TSPEAR: variants seen among roughly 807,000 people sequenced by gnomAD.
The protein encoded by TSPEAR is thrombospondin-type laminin G domain and EAR repeat-containing protein.
Under a neutral mutation model 71.6 loss-of-function variants are expected in TSPEAR, and 69 were observed. That is an observed-to-expected ratio of 0.96 (90% CI 0.79 to 1.18). TSPEAR has a LOEUF of 1.18. TSPEAR is among the 50% of genes most tolerant of loss of function. The pLI, the probability that TSPEAR is intolerant of heterozygous loss-of-function variation, is 0.00. For synonymous variants in TSPEAR, 402 were observed against 387.2 expected (o/e 1.04, Z -0.45); for missense variants, 971 against 894.9 (o/e 1.09, Z -1.09).
At chr21:44,541,795 A>G (rs1234052793) in intron 2 of TSPEAR, among the ~76,000 whole-genome samples, 3 of 152,248 alleles carry the variant, frequency 2.0e-5, no homozygotes, top group Admixed American at 1.3e-4. Flanking sequence ...CCTATCTTTA[A>G]ATAAACTCGC....
intron 2 of TSPEAR, among the ~76,000 whole-genome samples, chr21:44,549,414 C>T (rs1230106085): frequency 3.9e-5 from 6 of 152,214 alleles, no homozygotes; most frequent in Non-Finnish European, 5.9e-5. Context: ...GGCCATCCAC[C>T]TGGCGTTGCA....
At chr21:44,702,889 G>A (rs1023611403) in intron 1 of TSPEAR, 38 of 670,854 alleles carry the variant, frequency 5.7e-5, no homozygotes, top group African/African-American at 4.7e-4. Context: ...AGTACACACC[G>A]CACTGGTACA....
chr21:44,556,995 T>A (rs1472157708), intron 2 of TSPEAR, among the ~76,000 whole-genome samples: 1 of 152,118 alleles, frequency 6.6e-6, no homozygotes, highest in Non-Finnish European at 1.5e-5. Flanking sequence ...AGTGAACTGG[T>A]GAGATAGCAT....
intron 1 of TSPEAR, among the ~76,000 whole-genome samples, chr21:44,597,426 TTC>T (rs200697865): frequency 6.9e-6 from 1 of 144,274 alleles, no homozygotes; most frequent in Non-Finnish European, 1.5e-5. Flanking sequence ...TTCTTTTTCT[TTC>T]TTTCTTTTCT....
At chr21:44,540,481 C>T (rs587735987) in intron 2 of TSPEAR, among the ~76,000 whole-genome samples, 45 of 152,252 alleles carry the variant, frequency 3.0e-4, no homozygotes, top group African/African-American at 8.2e-4. Context: ...CAGTGCAGTC[C>T]GGGTTGTAAG....
chr21:44,707,237 C>G (rs1555952568), intron 1 of TSPEAR, among the ~76,000 whole-genome samples: 1 of 152,146 alleles, frequency 6.6e-6, no homozygotes, highest in African/African-American at 2.4e-5. Flanking sequence ...TGCCGCTCCA[C>G]CCCTGCCCCC....
chr21:44,701,724 G>C (rs1467068205), intron 1 of TSPEAR, among the ~76,000 whole-genome samples: 2 of 84,912 alleles, frequency 2.4e-5, no homozygotes, highest in Non-Finnish European at 6.1e-5. Flanking sequence ...GGGTGGTAAA[G>C]CTCACTCACC....
intron 1 of TSPEAR, chr21:44,666,223 G>T (rs1985749746): frequency 1.3e-5 from 7 of 540,222 alleles, no homozygotes; most frequent in Non-Finnish European, 1.9e-5. Flanking sequence ...GGCTCTCATG[G>T]GGTCAGAGAA....
chr21:44,562,423 T>C (rs1555921208), intron 2 of TSPEAR, among the ~76,000 whole-genome samples: 2 of 152,202 alleles, frequency 1.3e-5, no homozygotes, highest in Admixed American at 1.3e-4. Flanking sequence ...AATTTATAGA[T>C]TCAATGCTAT....
chr21:44,687,354 T>C lies in TSPEAR; in HGVS notation c.82+24079A>G, dbSNP rs1294183024. Among the ~76,000 whole-genome samples, 2 of 152,096 alleles carry C rather than the reference T, an allele frequency of 1.3e-5. No homozygotes were observed. Among genetic ancestry groups the C allele is most frequent in the African/African-American group, 4.8e-5 (2 of 41,402 alleles). The stretch of plus-strand genomic sequence containing the variant: ...AAAGGCAGGCACACTTGTCCCACTG[T>C]ATCATAACAGAAAAAACCGGAACGG... On this transcript the variant is annotated intron_variant, in intron 1 of 11. Coordinates refer to ENST00000323084, the MANE Select transcript of TSPEAR (RefSeq NM_144991.3). The surrounding 1 kb of genome is among the most constrained non-coding windows in gnomAD (Gnocchi z 4.4).
chr21:44,648,297 A>G (rs1376228659), intron 1 of TSPEAR, among the ~76,000 whole-genome samples: 2 of 152,212 alleles, frequency 1.3e-5, no homozygotes, highest in African/African-American at 2.4e-5. Flanking sequence ...TGAAGAGGGC[A>G]CTAGTGAGAC....
In TSPEAR at chr21:44,592,542, G is replaced by C. The variant is rs370234368; in HGVS notation, c.83-24537C>G. The C allele has an allele frequency of 1.7e-5, 26 of 1,554,004 alleles. No homozygotes were observed. The African/African-American group carries it at 3.0e-4, about 18-fold the overall frequency. On this transcript the variant is annotated intron_variant, in intron 1 of 11. Transcript: ENST00000323084. ...GAGCCTGTGAGGTGCTGAGGCTCTC[G>C]GGCTTTTATTCCACCTGGCCTTGTT...
intron 5 of TSPEAR, among the ~76,000 whole-genome samples, 185 bp downstream of exon 5, chr21:44,529,613 C>T (rs375412191): frequency 3.3e-5 from 5 of 152,204 alleles, no homozygotes; most frequent in East Asian, 1.9e-4. Flanking sequence ...GATGGTGCCG[C>T]CTGCCTTCCT....
chr21:44,654,438 G>C, intron 1 of TSPEAR: 1 of 1,614,118 alleles, frequency 6.2e-7, no homozygotes, highest in Non-Finnish European at 8.5e-7. Flanking sequence ...GCACACAGCA[G>C]GCTGGCTGGC....
At chr21:44,518,542 G>C (rs2052658886) in intron 9 of TSPEAR, 1 of 431,812 alleles carries the variant, frequency 2.3e-6, no homozygotes. Flanking sequence ...AGGACCTCCA[G>C]GACAGCAGCC....
chr21:44,550,478 C>T (rs1555918383), intron 2 of TSPEAR: 2 of 774,938 alleles, frequency 2.6e-6, no homozygotes, highest in South Asian at 1.9e-5. Context: ...TTGTGGTCTG[C>T]AGCCAGGAAG....
intron 2 of TSPEAR, among the ~76,000 whole-genome samples, chr21:44,555,660 C>T: frequency 6.6e-6 from 1 of 150,928 alleles, no homozygotes; most frequent in Admixed American, 6.6e-5. Context: ...CCACCCCGGC[C>T]ACACACACAT....
chr21:44,572,627 C>T (rs1476388821), intron 1 of TSPEAR, among the ~76,000 whole-genome samples: 2 of 151,878 alleles, frequency 1.3e-5, no homozygotes, highest in Admixed American at 6.6e-5. Flanking sequence ...CCCGTGCCCA[C>T]GTCCTCATCC....
chr21:44,558,271 T>C (rs782202103), intron 2 of TSPEAR: 2 of 1,612,824 alleles, frequency 1.2e-6, no homozygotes, highest in African/African-American at 1.3e-5. Context: ...CAGCAGGAGG[T>C]GGTGCAGCAA....
Sources: allele counts gnomAD v4.1 joint callset (sites outside exome capture counted in the v4.1 genomes callset), GRCh38; gene constraint gnomAD v4.1.1; non-coding constraint Gnocchi (gnomAD v3.1); transcripts MANE v1.5; gene names NCBI Gene and HGNC (gene_info 2026-07-23, HGNC 2026-07-21).